C4orf50: variants seen among roughly 807,000 people sequenced by gnomAD.
The protein encoded by C4orf50 is uncharacterized protein C4orf50.
Under a neutral mutation model 77.2 loss-of-function variants are expected in C4orf50, and 80 were observed. The ratio of observed to expected loss-of-function variants is 1.04; its 90% CI spans 0.87 to 1.25. The LOEUF (loss-of-function observed/expected upper bound fraction) is 1.25. Among genes scored for constraint, C4orf50 ranks in the 50% most tolerant of loss-of-function variants. C4orf50 has a pLI of 0.00. For synonymous variants in C4orf50, 532 were observed against 465.3 expected, an observed-to-expected ratio of 1.14 and a Z score of -1.84; for missense variants, 1,257 against 1,152.9, an observed-to-expected ratio of 1.09 and a Z score of -1.31.
chr4:6,018,298 T>A lies in C4orf50; in HGVS notation c.134A>T (p.Asp45Val), dbSNP rs2108730733. Residue 45 changes from aspartate (D) to valine (V), a missense_variant, in exon 23 of 34, where the codon GAT (aspartate) becomes GTT (valine). By Grantham distance (152) the Asp-to-Val change is radical. Transcript: ENST00000531445. The surrounding 1 kb of genome is among the most constrained non-coding windows in gnomAD (Gnocchi z 5.1). ...AAGACATTCCCGCTCCTCAGCACTA[T>A]CTTCCATGTCCTGGAATATCCAGGA... 2 of 399,036 alleles carry A rather than the reference T, an allele frequency of 5.0e-6. No individual in the cohort carries two copies. The highest frequency in any genetic ancestry group is 7.1e-5 in the East Asian group (2 of 28,068). The allele number at this position is 399,036 out of a possible 1,614,324, so 24.7% of individuals were successfully genotyped here.
At chr4:5,953,079 A>T (rs1718798901), downstream of C4orf50, among the ~76,000 whole-genome samples, 1 of 152,152 alleles carries the variant, frequency 6.6e-6, no homozygotes, top group Non-Finnish European at 1.5e-5. Context: ...TGTGAGAGGC[A>T]GGAGGCTGGA....
intron 31 of C4orf50, among the ~76,000 whole-genome samples, chr4:5,971,648 A>G (rs1719924417): frequency 6.6e-6 from 1 of 152,252 alleles, no homozygotes; most frequent in African/African-American, 2.4e-5. Context: ...CAGATGAAGA[A>G]ATGACTGAAA....
chr4:5,977,183 C>A (rs557322593), intron 29 of C4orf50, among the ~76,000 whole-genome samples: 6 of 152,304 alleles, frequency 3.9e-5, no homozygotes, highest in African/African-American at 1.2e-4. Flanking sequence ...TGAGTCATGC[C>A]CACTGATCCC....
Position 5,990,231 on chromosome 4 carries a change from A to G in C4orf50, c.1815T>C (p.Asn605=). The G allele has an allele frequency of 3.2e-6, 4 of 1,240,962 alleles. No individual in the cohort carries two copies. In the African/African-American group the frequency reaches 4.6e-5, roughly 14 times the overall value. 76.9% of individuals were successfully genotyped at this position (1,240,962 alleles called of 1,614,324 possible). A position where few individuals can be genotyped will look rare whatever the true frequency, so the allele number is the denominator to read the frequency against. Residue 605 remains asparagine (N), a synonymous_variant, in exon 28 of 34, where the codon AAT becomes AAC. Transcript: ENST00000531445. ...TGGCGGCCTTAGTCTCTGAAGCCCC[A>G]TTCTGATCCTGCACGTCCTCTGCAG...
chr4:5,945,879 TC>T (rs1718460001), intron 7 of C4orf50, among the ~76,000 whole-genome samples: 1 of 152,142 alleles, frequency 6.6e-6, no homozygotes, highest in Non-Finnish European at 1.5e-5. Context: ...TTTCATCCAT[TC>T]TCTGGCCCCA....
chr4:5,931,334 T>A (rs552418391), intron 7 of C4orf50, among the ~76,000 whole-genome samples: 3 of 151,868 alleles, frequency 2.0e-5, no homozygotes, highest in Admixed American at 1.3e-4. Context: ...AGTTAGGGAA[T>A]CTAGGAGTGG....
chr4:5,989,383 G>C (rs779506109), exon 28 of C4orf50: 3 of 1,536,002 alleles, frequency 2.0e-6, no homozygotes, highest in South Asian at 2.4e-5. Context: ...AACTTCGCTG[G>C]TGCCCAGGGC....
At chr4:5,975,873 T>C (rs1202845089) in intron 30 of C4orf50, 26 bp downstream of exon 8, 1 of 1,553,698 alleles carries the variant, frequency 6.4e-7, no homozygotes, top group Non-Finnish European at 8.9e-7. Context: ...AAGAGGCATT[T>C]CATGTTGATT....
intron 7 of C4orf50, among the ~76,000 whole-genome samples, chr4:5,941,560 C>T (rs181813971): frequency 4.6e-4 from 70 of 152,252 alleles, no homozygotes; most frequent in African/African-American, 1.6e-3. Context: ...TTCATTTGTC[C>T]AATAACATTT....
In C4orf50 at chr4:5,958,922, A is replaced by C. The variant is rs1029793517; in HGVS notation, c.*453T>G. 6.1e-6 allele frequency: 1 copy of C among 162,798 alleles called. No homozygotes were observed. The highest frequency in any genetic ancestry group is 1.7e-4 in the East Asian group (1 of 5,946). 10.1% of individuals were successfully genotyped at this position (162,798 alleles called of 1,614,324 possible). A position where few individuals can be genotyped will look rare whatever the true frequency, so the allele number is the denominator to read the frequency against. On this transcript the variant is annotated 3_prime_UTR_variant, in exon 34 of 34. Transcript: ENST00000531445. This position sits in a 1 kb window ranked among gnomAD's most constrained non-coding sequence, Gnocchi z 5.4. Reference sequence around the variant, plus strand: ...TGGACTCTCGACCTCAGCACTGGCGACCCTCGGGCTGTAATTCTTTGCTGT... The same window carrying C: ...TGGACTCTCGACCTCAGCACTGGCGCCCCTCGGGCTGTAATTCTTTGCTGT...
At chr4:5,912,052 C>T (rs946893019) in intron 7 of C4orf50, among the ~76,000 whole-genome samples, 1 of 137,282 alleles carries the variant, frequency 7.3e-6, no homozygotes, top group Non-Finnish European at 1.5e-5. Context: ...TCTTGCAAAA[C>T]AAAAAAACAA....
At chr4:5,906,523 T>C (rs894848230) in intron 7 of C4orf50, among the ~76,000 whole-genome samples, 2 of 152,122 alleles carry the variant, frequency 1.3e-5, no homozygotes, top group African/African-American at 4.8e-5. Context: ...TTAATAAACA[T>C]ATCTGAACAA....
At chr4:5,931,288 A>C (rs1717757141) in intron 7 of C4orf50, among the ~76,000 whole-genome samples, 1 of 152,176 alleles carries the variant, frequency 6.6e-6, no homozygotes, top group Non-Finnish European at 1.5e-5. Context: ...GCCCCCAAAC[A>C]CTGATGCACA....
At position 5,990,938 on chromosome 4, in the gene C4orf50, C is replaced by A. The variant is rs1577974682; in HGVS notation, c.1222-114G>T. On this transcript the variant is annotated intron_variant, in intron 27 of 33. Transcript: ENST00000531445. ...GTTTCCTCACCAGCTGCACAGGGGA[C>A]AAGCTCTTTCCCACACAGGACACAG... is the stretch of plus-strand genomic sequence containing the variant. The A allele has an allele frequency of 1.3e-5, 5 of 397,930 alleles. No individual in the cohort carries two copies. The East Asian group carries it at 1.8e-4, about 14-fold the overall frequency. The allele number at this position is 397,930 out of a possible 1,614,324, so 24.6% of individuals were successfully genotyped here.
At chr4:5,941,670 G>A (rs1718271828) in intron 7 of C4orf50, among the ~76,000 whole-genome samples, 1 of 152,144 alleles carries the variant, frequency 6.6e-6, no homozygotes, top group Non-Finnish European at 1.5e-5. Flanking sequence ...TCTAAACTCA[G>A]GCCCAGCACA....
chr4:6,007,905 G>A lies in C4orf50; in HGVS notation c.963+91C>T, dbSNP rs1404293412. On this transcript the variant is annotated intron_variant, in intron 25 of 33. Transcript: ENST00000531445. The surrounding 1 kb of genome is among the most constrained non-coding windows in gnomAD (Gnocchi z 4.1). ...TAAACGGCTGTAGGAAGAGGAGCCC[G>A]GGGAATGGATGGGCCAATGACTTCA... The A allele has an allele frequency of 5.0e-6, 2 of 398,514 alleles. No individual in the cohort carries two copies. Among genetic ancestry groups the A allele is most frequent in the Non-Finnish European group, 8.8e-6 (2 of 226,176 alleles). 24.7% of individuals were successfully genotyped at this position (398,514 alleles called of 1,614,324 possible). A position where few individuals can be genotyped will look rare whatever the true frequency, so the allele number is the denominator to read the frequency against.
chr4:5,973,979 T>G (rs1720103676), intron 30 of C4orf50, 138 bp from the exon 9 acceptor site: 1 of 697,510 alleles, frequency 1.4e-6, no homozygotes, highest in African/African-American at 1.8e-5. Context: ...AGCAGCCTCC[T>G]CCCTGCGAAG....
At chr4:5,973,628 A>G in intron 31 of C4orf50, 31 bp downstream of exon 9, 1 of 1,576,262 alleles carries the variant, frequency 6.3e-7, no homozygotes, top group Non-Finnish European at 8.7e-7. Context: ...TCCCATAGGA[A>G]GCACAGACAG....
intron 7 of C4orf50, among the ~76,000 whole-genome samples, chr4:5,943,470 G>A (rs1394921697): frequency 6.6e-6 from 1 of 152,194 alleles, no homozygotes; most frequent in Non-Finnish European, 1.5e-5. Context: ...AGGGAGCTGG[G>A]GGATCAGAGG....
Sources: gnomAD v4.1 joint callset for allele counts (sites outside exome capture counted in the v4.1 genomes callset) on GRCh38, gnomAD v4.1.1 for gene constraint, Gnocchi (gnomAD v3.1) non-coding constraint, MANE v1.5 for transcripts, NCBI Gene and HGNC (gene_info 2026-07-23, HGNC 2026-07-21) for gene names.